Variants in ZFYVE9 observed in about 807,000 individuals in gnomAD.
ZFYVE9 encodes the protein zinc finger FYVE domain-containing protein 9.
In ZFYVE9, 43 loss-of-function variants were observed where a neutral mutation model predicts 126.7. That is an observed-to-expected ratio of 0.34 (90% CI 0.27 to 0.44). The LOEUF (loss-of-function observed/expected upper bound fraction) is 0.44, where lower values mean the gene tolerates loss of function less well. Ranked by LOEUF, ZFYVE9 falls within the 20% of genes least tolerant of loss-of-function variation. The probability of loss-of-function intolerance (pLI) is 1.00; values close to 1 mark genes in which losing one functional copy is unlikely to be tolerated. For synonymous variants in ZFYVE9, 521 were observed against 597.4 expected, an observed-to-expected ratio of 0.87 and a Z score of 1.87; for missense variants, 1,476 against 1,697.0, an observed-to-expected ratio of 0.87 and a Z score of 2.29.
At chr1:52,318,543 C>T (rs925164119) in intron 13 of ZFYVE9, among the ~76,000 whole-genome samples, 2 of 151,838 alleles carry the variant, frequency 1.3e-5, no homozygotes, top group Non-Finnish European at 2.9e-5. Context: ...GATGTTCACT[C>T]CTGTTTTTAT....
chr1:52,309,448 C>T (rs1646118151), intron 13 of ZFYVE9, among the ~76,000 whole-genome samples: 1 of 152,150 alleles, frequency 6.6e-6, no homozygotes, highest in Admixed American at 6.5e-5. Flanking sequence ...CACTGCACTC[C>T]AGCCTGGGTG....
chr1:52,245,033 C>T (rs188253367), intron 4 of ZFYVE9, among the ~76,000 whole-genome samples: 271 of 152,008 alleles, frequency 1.8e-3, no homozygotes, highest in African/African-American at 6.3e-3. Flanking sequence ...TGGCAGGGGC[C>T]TGTAATGCCA....
chr1:52,314,423 C>T (rs1298706812), intron 13 of ZFYVE9, among the ~76,000 whole-genome samples: 2 of 152,176 alleles, frequency 1.3e-5, no homozygotes, highest in South Asian at 2.1e-4. Flanking sequence ...GACTCACACC[C>T]ATAATCCCAG....
At chr1:52,254,056 C>A in intron 4 of ZFYVE9, 1 of 761,906 alleles carries the variant, frequency 1.3e-6, no homozygotes, top group East Asian at 2.5e-5. Context: ...AGCCAGTCAT[C>A]AAAATGGAAA....
At chr1:52,220,790 G>T (rs532038022) in intron 2 of ZFYVE9, among the ~76,000 whole-genome samples, 1 of 152,144 alleles carries the variant, frequency 6.6e-6, no homozygotes, top group African/African-American at 2.4e-5. Context: ...AAAGGTCTAC[G>T]TGGGAGAAGA....
intron 4 of ZFYVE9, among the ~76,000 whole-genome samples, chr1:52,255,340 A>G (rs1434804021): frequency 2.0e-5 from 3 of 150,732 alleles, no homozygotes; most frequent in African/African-American, 7.3e-5. Context: ...TCCCAGCACT[A>G]TGGGAGGCTG....
intron 1 of ZFYVE9, among the ~76,000 whole-genome samples, chr1:52,195,210 C>T (rs1325567918): frequency 6.6e-6 from 1 of 152,128 alleles, no homozygotes. Flanking sequence ...AGCACAGCTT[C>T]TAGCTCATGG....
At chr1:52,274,324 G>A (rs1444248160) in intron 7 of ZFYVE9, 140 bp from the exon 8 acceptor site, 1 of 1,034,100 alleles carries the variant, frequency 9.7e-7, no homozygotes, top group Non-Finnish European at 1.4e-6. Context: ...TTAATCCATG[G>A]GTTAATGAAT....
chr1:52,308,988 CA>C (rs1553134759), intron 13 of ZFYVE9, among the ~76,000 whole-genome samples: 2 of 152,102 alleles, frequency 1.3e-5, no homozygotes, highest in Non-Finnish European at 2.9e-5. Flanking sequence ...AAATTTATTG[CA>C]AGTATACTAA....
At chr1:52,279,333 G>A (rs907587146) in intron 9 of ZFYVE9, among the ~76,000 whole-genome samples, 17 of 152,058 alleles carry the variant, frequency 1.1e-4, no homozygotes, top group Admixed American at 1.1e-3. Flanking sequence ...CTCAATTATG[G>A]TGCAAAACTT....
chr1:52,238,689 G>A lies in ZFYVE9; in HGVS notation c.1272G>A (p.Gln424=), dbSNP rs766553006. 1 of 1,614,128 alleles carries A rather than the reference G, an allele frequency of 6.2e-7. No individual in the cohort carries two copies. Among genetic ancestry groups the A allele is most frequent in the Admixed American group, 1.7e-5 (1 of 60,016 alleles). Residue 424 remains glutamine, a synonymous_variant, in exon 4 of 19, where the codon CAG becomes CAA. Transcript: ENST00000287727. ...QVNEEKEKFL[Q]ISQPEDTNGD... ...ACGAAGAAAAGGAAAAGTTTCTACA[G>A]ATTAGTCAGCCTGAGGACACTAATG...
chr1:52,332,844 A>G lies in ZFYVE9; in HGVS notation c.3515A>G (p.His1172Arg), dbSNP rs1378826042. The G allele has an allele frequency of 6.2e-7, 1 of 1,614,066 alleles. No individual in the cohort carries two copies. The highest frequency in any genetic ancestry group is 8.5e-7 in the Non-Finnish European group (1 of 1,180,040). ...TGCTTCAATGAAAAGGCAGACTCTC[A>G]TCTTGTGTGTGTACAGAATGATGAT... Reference protein sequence around the residue: ...GACFNEKADSHLVCVQNDDGN... With the variant: ...GACFNEKADSRLVCVQNDDGN... The change falls in exon 14 of 19, where the codon CAT becomes CGT. Residue 1172 changes from histidine to arginine, a missense_variant. Coordinates refer to ENST00000287727, the MANE Select transcript of ZFYVE9 (RefSeq NM_004799.4).
chr1:52,309,832 CTT>C (rs769653712), intron 13 of ZFYVE9, among the ~76,000 whole-genome samples: 9 of 152,112 alleles, frequency 5.9e-5, no homozygotes, highest in Non-Finnish European at 5.9e-5. Context: ...TAAGGAAAGA[CTT>C]TAAGCTTAGA....
chr1:52,317,248 G>A (rs1379209837), intron 13 of ZFYVE9, among the ~76,000 whole-genome samples: 3 of 152,128 alleles, frequency 2.0e-5, no homozygotes, highest in Admixed American at 6.6e-5. Context: ...GCCAGGTGCG[G>A]TGGCTCATGC....
Position 52,293,750 on chromosome 1 carries a change from T to C in ZFYVE9, c.3250+73T>C, listed in dbSNP as rs1209893203. On this transcript the variant is annotated intron_variant, in intron 11 of 18. Coordinates refer to ENST00000287727, the MANE Select transcript of ZFYVE9 (RefSeq NM_004799.4). ...CCTGAAATATTCAGAGCCCTCTGTT[T>C]GGTGATATAATTCAGCAGAAATAGT... The C allele has an allele frequency of 7.1e-6, 10 of 1,406,728 alleles. No homozygotes were observed. The East Asian group carries it at 2.3e-4, about 33-fold the overall frequency. 87.1% of individuals were successfully genotyped at this position (1,406,728 alleles called of 1,614,324 possible).
At chr1:52,172,177 A>G (rs1326133116) in intron 1 of ZFYVE9, among the ~76,000 whole-genome samples, 2 of 152,312 alleles carry the variant, frequency 1.3e-5, no homozygotes, top group African/African-American at 4.8e-5. Flanking sequence ...TAAATTTTTT[A>G]TAAGATGTAA....
At chr1:52,273,585 C>T (rs563009907) in intron 7 of ZFYVE9, among the ~76,000 whole-genome samples, 236 of 152,042 alleles carry the variant, frequency 1.6e-3, no homozygotes, top group Non-Finnish European at 2.8e-3. Flanking sequence ...AATCCTAGCA[C>T]TTTGGGAGGC....
intron 7 of ZFYVE9, among the ~76,000 whole-genome samples, chr1:52,269,351 GA>G (rs1288799745): frequency 1.3e-5 from 2 of 151,880 alleles, no homozygotes; most frequent in African/African-American, 4.8e-5. Context: ...GCTGCGTCTC[GA>G]ACTCCTGACC....
At chr1:52,267,314 T>C (rs1406492744) in intron 6 of ZFYVE9, among the ~76,000 whole-genome samples, 1 of 152,220 alleles carries the variant, frequency 6.6e-6, no homozygotes, top group Non-Finnish European at 1.5e-5. Context: ...ATTTTTGTGT[T>C]AGGGACATAG....
Sources: allele counts gnomAD v4.1 joint callset (sites outside exome capture counted in the v4.1 genomes callset), GRCh38; gene constraint gnomAD v4.1.1; transcripts MANE v1.5; gene names NCBI Gene and HGNC (gene_info 2026-07-23, HGNC 2026-07-21).